The following SPECC1L variants were observed in gnomAD, a reference collection of about 807,000 sequenced individuals.
SPECC1L encodes sperm antigen with calponin homology and coiled-coil domains 1 like, also known as cytospin-A.
A neutral mutation model predicts 116.8 loss-of-function variants in SPECC1L; 40 were observed. The observed-to-expected ratio is 0.34, with a 90% CI of 0.27 to 0.45. The LOEUF is 0.45. SPECC1L is among the 20% of genes least tolerant of loss of function. The pLI, the probability that SPECC1L is intolerant of heterozygous loss-of-function variation, is 1.00. For synonymous variants in SPECC1L, 504 were observed against 500.6 expected, an observed-to-expected ratio of 1.01 and a Z score of -0.09; for missense variants, 1,110 against 1,373.6, an observed-to-expected ratio of 0.81 and a Z score of 3.03.
intron 14 of SPECC1L, among the ~76,000 whole-genome samples, chr22:24,374,069 G>A (rs1258266666): frequency 6.6e-6 from 1 of 152,052 alleles, no homozygotes; most frequent in Non-Finnish European, 1.5e-5. Flanking sequence ...AAACCACAAT[G>A]AGATACCATC....
At chr22:24,324,632 CTTGAG>C (rs1349591152) in intron 6 of SPECC1L, among the ~76,000 whole-genome samples, 1 of 152,142 alleles carries the variant, frequency 6.6e-6, no homozygotes, top group Admixed American at 6.5e-5. Flanking sequence ...AGGCAGATCA[CTTGAG>C]TTGAGGAGTT....
At chr22:24,412,761 A>G (rs771667890) in intron 16 of SPECC1L, 54 bp downstream of exon 16, 7 of 1,584,496 alleles carry the variant, frequency 4.4e-6, no homozygotes, top group Admixed American at 3.3e-5. Flanking sequence ...GGTTAAGAAG[A>G]GTTCAGTCCT....
intron 4 of SPECC1L, among the ~76,000 whole-genome samples, chr22:24,315,246 C>T (rs966580387): frequency 3.3e-5 from 5 of 152,212 alleles, no homozygotes; most frequent in Non-Finnish European, 5.9e-5. Context: ...GATTGGGCCT[C>T]CCTGTTAATG....
At chr22:24,329,735 A>C (rs981910254) in intron 7 of SPECC1L, among the ~76,000 whole-genome samples, 9 of 151,926 alleles carry the variant, frequency 5.9e-5, no homozygotes, top group Admixed American at 5.2e-4. Context: ...CTCTTTGTAT[A>C]ATTTTGCCTG....
intron 14 of SPECC1L, among the ~76,000 whole-genome samples, chr22:24,406,582 C>T (rs1207500064): frequency 2.6e-5 from 4 of 152,096 alleles, no homozygotes; most frequent in Non-Finnish European, 2.9e-5. Context: ...TGCATGGTGG[C>T]GGCTGGCAGG....
At chr22:24,396,519 A>G (rs1287522708) in intron 14 of SPECC1L, among the ~76,000 whole-genome samples, 1 of 152,054 alleles carries the variant, frequency 6.6e-6, no homozygotes, top group African/African-American at 2.4e-5. Context: ...GCTGGTCTCG[A>G]ACTCCTGACC....
At chr22:24,369,191 T>C in intron 13 of SPECC1L, 27 bp from the exon 14 acceptor site, 1 of 1,559,770 alleles carries the variant, frequency 6.4e-7, no homozygotes, top group Non-Finnish European at 8.8e-7. Flanking sequence ...ACAAAAAATA[T>C]TTCAACTTTG....
intron 2 of SPECC1L, among the ~76,000 whole-genome samples, chr22:24,280,962 C>T (rs2048931609): frequency 1.3e-5 from 2 of 152,078 alleles, no homozygotes; most frequent in South Asian, 4.1e-4. Flanking sequence ...TGAAAAAAGA[C>T]AAGTGATGGG....
chr22:24,313,793 C>T (rs2040506062), intron 4 of SPECC1L, among the ~76,000 whole-genome samples: 1 of 147,342 alleles, frequency 6.8e-6, no homozygotes, highest in South Asian at 2.1e-4. Context: ...GGCTGAAGTG[C>T]AATGGTGCCA....
At chr22:24,410,076 C>T (rs950132648) in intron 14 of SPECC1L, among the ~76,000 whole-genome samples, 2 of 152,194 alleles carry the variant, frequency 1.3e-5, no homozygotes, top group Non-Finnish European at 2.9e-5. Context: ...AGCACATAGC[C>T]GGCCTTAATC....
intron 11 of SPECC1L, among the ~76,000 whole-genome samples, chr22:24,357,315 A>T (rs1175189270): frequency 2.6e-5 from 4 of 152,168 alleles, no homozygotes; most frequent in African/African-American, 4.8e-5. Flanking sequence ...TAATCCCAGC[A>T]CTCAGGGAGG....
chr22:24,332,510 C>G (rs1029752254), intron 8 of SPECC1L, among the ~76,000 whole-genome samples: 1 of 152,148 alleles, frequency 6.6e-6, no homozygotes, highest in African/African-American at 2.4e-5. Flanking sequence ...GTGCAGTTAT[C>G]AAAGAAGAAC....
intron 4 of SPECC1L, among the ~76,000 whole-genome samples, chr22:24,315,267 C>A (rs569352599): frequency 6.6e-6 from 1 of 152,328 alleles, no homozygotes; most frequent in African/African-American, 2.4e-5. Flanking sequence ...ATAATAGGTG[C>A]GATTAACAGG....
At chr22:24,284,494 G>T (rs2049004796) in intron 2 of SPECC1L, among the ~76,000 whole-genome samples, 1 of 151,972 alleles carries the variant, frequency 6.6e-6, no homozygotes, top group African/African-American at 2.4e-5. Context: ...GAGTGCAGTG[G>T]CGTGATCTCG....
chr22:24,355,088 G>A (rs1052717326), intron 11 of SPECC1L, among the ~76,000 whole-genome samples: 18 of 151,384 alleles, frequency 1.2e-4, no homozygotes, highest in African/African-American at 4.4e-4. Context: ...AGACCATCCT[G>A]GCAAACATGG....
At chr22:24,410,947 G>A (rs540766446) in intron 14 of SPECC1L, among the ~76,000 whole-genome samples, 1 of 152,186 alleles carries the variant, frequency 6.6e-6, no homozygotes, top group African/African-American at 2.4e-5. Context: ...CCAGCACTTC[G>A]GGAGGCCAAG....
At chr22:24,342,771 T>C (rs1393349325) in intron 10 of SPECC1L, among the ~76,000 whole-genome samples, 4 of 151,090 alleles carry the variant, frequency 2.6e-5, no homozygotes, top group Non-Finnish European at 5.9e-5. Context: ...GTAAAAAGAC[T>C]GGGGAAAAAA....
chr22:24,315,131 T>C (rs2040535807), intron 4 of SPECC1L, among the ~76,000 whole-genome samples: 1 of 152,258 alleles, frequency 6.6e-6, no homozygotes, highest in Non-Finnish European at 1.5e-5. Context: ...GTCATCGTAA[T>C]TTAGGCTCTT....
intron 14 of SPECC1L, among the ~76,000 whole-genome samples, chr22:24,387,876 A>G (rs1486062138): frequency 6.6e-6 from 1 of 152,066 alleles, no homozygotes; most frequent in Non-Finnish European, 1.5e-5. Context: ...GGGAGAATCT[A>G]TTTCCTTGCC....
Sources: gnomAD v4.1 joint callset for allele counts (sites outside exome capture counted in the v4.1 genomes callset) on GRCh38, gnomAD v4.1.1 for gene constraint, MANE v1.5 for transcripts, NCBI Gene and HGNC (gene_info 2026-07-23, HGNC 2026-07-21) for gene names.